Variants in TTK observed in about 807,000 individuals in gnomAD.
TTK encodes the protein dual specificity protein kinase TTK.
In TTK, 59 loss-of-function variants were observed where a neutral mutation model predicts 117.3. The observed-to-expected ratio is 0.50, with a 90% CI of 0.41 to 0.62. The LOEUF is 0.62. TTK is among the 20% of genes least tolerant of loss of function. The pLI, the probability that TTK is intolerant of heterozygous loss-of-function variation, is 0.00. For synonymous variants in TTK, 302 were observed against 325.0 expected (o/e 0.93, Z 0.76); for missense variants, 921 against 989.4 (o/e 0.93, Z 0.93).
chr6:80,041,063 A>T (rs1013573606), intron 21 of TTK, among the ~76,000 whole-genome samples: 1 of 151,818 alleles, frequency 6.6e-6, no homozygotes, highest in Non-Finnish European at 1.5e-5. Context: ...CCTTAGAGAC[A>T]TTACATGTAA....
chr6:80,023,347 A>C (rs930278544), intron 11 of TTK, among the ~76,000 whole-genome samples: 4 of 152,244 alleles, frequency 2.6e-5, no homozygotes, highest in African/African-American at 9.6e-5. Context: ...TAATCCCAGC[A>C]CTTTGGGAGG....
rs184689839 is a variant in TTK, at chr6:80,028,027, T to C, written c.1521+16T>C. On this transcript the variant is annotated intron_variant, in intron 13 of 21. Transcript: ENST00000369798. ...AAATTTACAGGTTCGATAAGCTTTA[T>C]ATATGATGGTATATGTTAAGATACA... The C allele has an allele frequency of 9.8e-4, 1,554 of 1,580,924 alleles. 9 individuals are homozygous for C. The highest frequency in any genetic ancestry group is 6.3e-3 in the South Asian group (531 of 84,534).
chr6:80,034,837 T>G, intron 14 of TTK, 148 bp from the exon 15 acceptor site: 1 of 590,906 alleles, frequency 1.7e-6, no homozygotes, highest in Non-Finnish European at 2.6e-6. Context: ...TTCTTCCTTC[T>G]ACACTCAAAA....
intron 13 of TTK, among the ~76,000 whole-genome samples, chr6:80,029,645 G>A (rs1213652082): frequency 6.6e-6 from 1 of 152,188 alleles, no homozygotes; most frequent in African/African-American, 2.4e-5. Context: ...AGGTCAGGAA[G>A]GGGAAGGAGT....
chr6:80,022,367 G>A lies in TTK; in HGVS notation c.1152G>A (p.Gln384=), dbSNP rs1253006142. 6.2e-7 allele frequency: 1 copy of A among 1,613,912 alleles called. No individual in the cohort carries two copies. The highest frequency in any genetic ancestry group is 8.5e-7 in the Non-Finnish European group (1 of 1,179,960). ...YQEPEVPESN[Q]KQWQSKRKSE... is the part of the protein sequence containing the mutation. ...AACCAGAGGTTCCAGAGAGTAACCAGAAACAGTGGCAATCTAAGAGAAAGT... is the reference window on the plus strand; with the variant it reads ...AACCAGAGGTTCCAGAGAGTAACCAAAAACAGTGGCAATCTAAGAGAAAGT... Residue 384 remains glutamine (Q), a synonymous_variant, in exon 11 of 22, where the codon CAG becomes CAA. Coordinates refer to ENST00000369798, the MANE Select transcript of TTK (RefSeq NM_003318.5).
chr6:80,042,070 T>C, intron 21 of TTK, 49 bp from the exon 22 acceptor site: 1 of 1,176,978 alleles, frequency 8.5e-7, no homozygotes, highest in Non-Finnish European at 1.2e-6. Context: ...GATGTGACAG[T>C]ACATTTAACT....
chr6:80,041,973 C>T, intron 21 of TTK, 146 bp from the exon 22 acceptor site: 1 of 455,888 alleles, frequency 2.2e-6, no homozygotes, highest in Non-Finnish European at 3.9e-6. Flanking sequence ...TTTATTATCT[C>T]TAATAGTTTA....
intron 17 of TTK, among the ~76,000 whole-genome samples, 155 bp downstream of exon 17, chr6:80,036,754 A>G (rs1328805998): frequency 1.3e-5 from 2 of 152,200 alleles, no homozygotes; most frequent in Non-Finnish European, 2.9e-5. Flanking sequence ...ATAAACCATG[A>G]TCATTGTAAT....
chr6:80,034,952 A>G (rs1234799786), intron 14 of TTK, 33 bp from the exon 15 acceptor site: 5 of 1,427,042 alleles, frequency 3.5e-6, no homozygotes, highest in Non-Finnish European at 4.6e-6. Flanking sequence ...TATAAATAGT[A>G]TATTCTAAAC....
In TTK at chr6:80,035,288, T is replaced by C. The variant is rs1436234412; in HGVS notation, c.1795T>C (p.Tyr599His). The change falls in exon 16 of 22, where the codon TAC becomes CAC. Residue 599 changes from tyrosine (Y) to histidine (H), a missense_variant. Physicochemically the swap from Tyr to His is moderately conservative, Grantham distance 83. Coordinates refer to ENST00000369798, the MANE Select transcript of TTK (RefSeq NM_003318.5). ...YDYEITDQYI[Y>H]MVMECGNIDL... Reference sequence around the variant, plus strand: ...CAGTGAAATCACGGACCAGTACATCTACATGGTAATGGAGTGTGGAAATAT... The same window carrying C: ...CAGTGAAATCACGGACCAGTACATCCACATGGTAATGGAGTGTGGAAATAT... The C allele has an allele frequency of 6.2e-7, 1 of 1,605,980 alleles. No homozygotes were observed. The highest frequency in any genetic ancestry group is 1.1e-5 in the South Asian group (1 of 88,714).
intron 4 of TTK, among the ~76,000 whole-genome samples, chr6:80,010,509 C>T (rs1012839731): frequency 6.6e-6 from 1 of 150,722 alleles, no homozygotes; most frequent in Non-Finnish European, 1.5e-5. Flanking sequence ...TTGGTAACTG[C>T]TTTGTTACAC....
chr6:80,035,442 G>A (rs1054734568), intron 16 of TTK, 25 bp downstream of exon 16: 2 of 1,571,254 alleles, frequency 1.3e-6, no homozygotes, highest in South Asian at 1.2e-5. Context: ...TTTTATATTT[G>A]TAAGGTTAAA....
Position 80,042,253 on chromosome 6 carries a change from T to C in TTK, c.*51T>C. 7.1e-7 allele frequency: 1 copy of C among 1,405,940 alleles called. No individual in the cohort carries two copies. The highest frequency in any genetic ancestry group is 9.9e-7 in the Non-Finnish European group (1 of 1,013,812). The allele number at this position is 1,405,940 out of a possible 1,614,324, so 87.1% of individuals were successfully genotyped here. On this transcript the variant is annotated 3_prime_UTR_variant, in exon 22 of 22. Transcript: ENST00000369798. ...ACCACCTATAAAATATATTGGACTG[T>C]TATACTCTTGAATCCCTGTGGAAAT...
chr6:80,039,278 T>C (rs942795632), intron 18 of TTK, among the ~76,000 whole-genome samples: 1 of 152,018 alleles, frequency 6.6e-6, no homozygotes, highest in Non-Finnish European at 1.5e-5. Context: ...TGCTTATTTA[T>C]TATTTCCAAT....
At chr6:80,007,692 G>A in intron 2 of TTK, 117 bp from the exon 3 acceptor site, 3 of 726,170 alleles carry the variant, frequency 4.1e-6, no homozygotes, top group Middle Eastern at 3.9e-4. Flanking sequence ...GTATTATAAG[G>A]ACTTTATGTA....
chr6:80,038,215 T>G (rs1272479976), intron 18 of TTK, among the ~76,000 whole-genome samples, 168 bp downstream of exon 18: 1 of 152,224 alleles, frequency 6.6e-6, no homozygotes, highest in African/African-American at 2.4e-5. Flanking sequence ...TTTTCACCAC[T>G]TATTCGTTTG....
At chr6:80,021,704 T>G (rs780075144) in intron 10 of TTK, among the ~76,000 whole-genome samples, 7 of 152,092 alleles carry the variant, frequency 4.6e-5, no homozygotes, top group Non-Finnish European at 1.0e-4. Flanking sequence ...TCTGGAGGTA[T>G]GGTTTGTGTC....
In TTK at chr6:80,008,463, T is replaced by C; in HGVS notation, c.440T>C (p.Ile147Thr). ...ANCKKFAFVH[I>T]SFAQFELSQG... ...TGCAAGAAATTTGCTTTTGTTCATATATCTTTTGCACAATTTGAACTGTCA... is the reference window on the plus strand; with the variant it reads ...TGCAAGAAATTTGCTTTTGTTCATACATCTTTTGCACAATTTGAACTGTCA... The change falls in exon 4 of 22, where the codon ATA becomes ACA. Residue 147 changes from isoleucine to threonine, a missense_variant. Physicochemically the swap from Ile to Thr is moderately conservative, Grantham distance 89. Transcript: ENST00000369798. 1 of 1,612,186 alleles carries C rather than the reference T, an allele frequency of 6.2e-7. No individual in the cohort carries two copies. Among genetic ancestry groups the C allele is most frequent in the Non-Finnish European group, 8.5e-7 (1 of 1,179,016 alleles).
chr6:80,016,199 A>G (rs1767302933), intron 10 of TTK, among the ~76,000 whole-genome samples: 1 of 152,140 alleles, frequency 6.6e-6, no homozygotes, highest in Non-Finnish European at 1.5e-5. Flanking sequence ...GTGTCTTTTG[A>G]TTCACATATG....
Sources: allele counts gnomAD v4.1 joint callset (sites outside exome capture counted in the v4.1 genomes callset), GRCh38; gene constraint gnomAD v4.1.1; transcripts MANE v1.5; gene names NCBI Gene and HGNC (gene_info 2026-07-23, HGNC 2026-07-21).